The following NHS variants were observed in gnomAD, a reference collection of about 807,000 sequenced individuals.
NHS encodes actin remodeling regulator NHS.
Under a neutral mutation model 72.5 loss-of-function variants are expected in NHS, and 5 were observed. That is an observed-to-expected ratio of 0.07 (90% CI 0.04 to 0.14). The LOEUF (loss-of-function observed/expected upper bound fraction) is 0.14. NHS is among the 10% of genes least tolerant of loss of function. NHS has a pLI of 1.00. For synonymous variants in NHS, 464 were observed against 547.7 expected, an observed-to-expected ratio of 0.85 and a Z score of 2.13; for missense variants, 1,072 against 1,355.7, an observed-to-expected ratio of 0.79 and a Z score of 3.29.
At position 17,635,458 on chromosome X, in the gene NHS, C is replaced by T. The variant is rs1002467253; in HGVS notation, c.566-52284C>T. The T allele has an allele frequency of 1.7e-5, 20 of 1,166,277 alleles. 1 individual carries two copies. The highest frequency in any genetic ancestry group is 7.7e-5 in the Admixed American group (3 of 38,757). On this transcript the variant is annotated intron_variant, in intron 1 of 8. Transcript: ENST00000676302. ...GCCCTCTCTCGCCCTCCATCCCCCC[C>T]GCCGTGCTTGCTGACTTAAGCAGAT...
chrX:17,523,546 C>T (rs1275769699), intron 1 of NHS, among the ~76,000 whole-genome samples: 2 of 111,935 alleles, frequency 1.8e-5, no homozygotes, highest in Non-Finnish European at 3.8e-5. Flanking sequence ...TCCCAAGGCT[C>T]CTGACAGTCC....
At chrX:17,418,876 C>G (rs749237650) in intron 1 of NHS, among the ~76,000 whole-genome samples, 1 of 111,871 alleles carries the variant, frequency 8.9e-6, no homozygotes, top group African/African-American at 3.2e-5. Flanking sequence ...AAGAACAGCT[C>G]TAACAGCAAA....
chrX:17,420,566 C>T (rs899559314), intron 1 of NHS, among the ~76,000 whole-genome samples: 3 of 111,671 alleles, frequency 2.7e-5, no homozygotes, highest in African/African-American at 9.8e-5. Flanking sequence ...AGCCACCCAT[C>T]CACACTTCCA....
intron 1 of NHS, among the ~76,000 whole-genome samples, chrX:17,602,618 A>T (rs2065656299): frequency 9.0e-6 from 1 of 111,096 alleles, no homozygotes; most frequent in Non-Finnish European, 1.9e-5. Flanking sequence ...CATGGAAAAC[A>T]GTATGGAGTA....
At chrX:17,560,356 G>T (rs1488922794) in intron 1 of NHS, among the ~76,000 whole-genome samples, 1 of 112,529 alleles carries the variant, frequency 8.9e-6, no homozygotes. Context: ...TCCTCTATTT[G>T]AAAGAATAAT....
At chrX:17,650,139 T>C (rs2065924165) in intron 1 of NHS, among the ~76,000 whole-genome samples, 1 of 112,608 alleles carries the variant, frequency 8.9e-6, no homozygotes, top group African/African-American at 3.2e-5. Flanking sequence ...AGAGCTAGAA[T>C]TGGGATCCTC....
chrX:17,476,726 T>A (rs1022847359), intron 1 of NHS, among the ~76,000 whole-genome samples: 36 of 111,684 alleles, frequency 3.2e-4, no homozygotes, highest in African/African-American at 1.1e-3. Context: ...GCTGGAGTAT[T>A]TATACACCAA....
chrX:17,387,887 C>G (rs112920090), intron 1 of NHS, among the ~76,000 whole-genome samples: 3 of 113,118 alleles, frequency 2.7e-5, no homozygotes, highest in African/African-American at 9.6e-5. Flanking sequence ...TGGTTAGCCT[C>G]TGATAATTAT....
chrX:17,460,806 A>G (rs1044619235), intron 1 of NHS, among the ~76,000 whole-genome samples: 1 of 111,959 alleles, frequency 8.9e-6, no homozygotes, highest in Non-Finnish European at 1.9e-5. Context: ...TTATAACCTC[A>G]ATTCATTCTT....
At chrX:17,639,484 A>C (rs2065869431) in intron 1 of NHS, among the ~76,000 whole-genome samples, 1 of 111,344 alleles carries the variant, frequency 9.0e-6, no homozygotes, top group Admixed American at 9.5e-5. Flanking sequence ...GCTGTGTCAT[A>C]ACATTGTGGA....
At chrX:17,435,400 G>A (rs1425145710) in intron 1 of NHS, among the ~76,000 whole-genome samples, 2 of 111,363 alleles carry the variant, frequency 1.8e-5, no homozygotes, top group Non-Finnish European at 3.8e-5. Context: ...GCAAAAGGGG[G>A]AAAATGGTTC....
At chrX:17,430,840 C>A (rs1755679372) in intron 1 of NHS, among the ~76,000 whole-genome samples, 1 of 112,410 alleles carries the variant, frequency 8.9e-6, no homozygotes, top group South Asian at 3.7e-4. Context: ...ACATTCCATT[C>A]TATGGATATA....
chrX:17,408,379 G>A (rs923549050), intron 1 of NHS, among the ~76,000 whole-genome samples: 2 of 111,576 alleles, frequency 1.8e-5, no homozygotes, highest in African/African-American at 3.3e-5. Flanking sequence ...AACTCCCAGC[G>A]TGATGTTTAA....
At chrX:17,530,108 T>A (rs1024275470) in intron 1 of NHS, among the ~76,000 whole-genome samples, 2 of 110,396 alleles carry the variant, frequency 1.8e-5, no homozygotes, top group Admixed American at 1.9e-4. Context: ...TTGAAGCTAG[T>A]CAAACTCCCC....
Position 17,725,992 on chromosome X carries a change from C to T in NHS, c.1886C>T (p.Ser629Leu). 8.3e-7 allele frequency: 1 copy of T among 1,211,732 alleles called. No homozygotes were observed. Among genetic ancestry groups the T allele is most frequent in the Non-Finnish European group, 1.1e-6 (1 of 895,496 alleles). The change falls in exon 7 of 9, where the codon TCA (serine) becomes TTA (leucine). Residue 629 changes from serine to leucine, a missense_variant. Coordinates refer to ENST00000676302, the MANE Select transcript of NHS (RefSeq NM_001291867.2). ...SHMDQKDDHQ[S>L]SSGNWSGSSS... ...ATGGACCAGAAAGATGACCACCAGT[C>T]ATCCAGTGGCAACTGGAGTGGGAGC...
At chrX:17,379,438 G>A (rs1471708856) in intron 1 of NHS, among the ~76,000 whole-genome samples, 1 of 111,695 alleles carries the variant, frequency 9.0e-6, no homozygotes, top group Non-Finnish European at 1.9e-5. Flanking sequence ...AATAATTTAG[G>A]ATGACTCCTA....
At chrX:17,624,404 G>A (rs1391406100) in intron 1 of NHS, among the ~76,000 whole-genome samples, 3 of 112,096 alleles carry the variant, frequency 2.7e-5, no homozygotes, top group Middle Eastern at 4.6e-3. Flanking sequence ...CTCCTGTACC[G>A]GCTACTAGGT....
At position 17,585,692 on chromosome X, in the gene NHS, C is replaced by T. The variant is rs2065571236; in HGVS notation, c.566-102050C>T. Among the ~76,000 whole-genome samples the T allele has an allele frequency of 2.8e-5, 3 of 108,463 alleles. No individual in the cohort carries two copies. The South Asian group carries it at 1.2e-3, about 44-fold the overall frequency. The allele number at this position is 108,463 out of a possible 115,157, so 94.2% of individuals were successfully genotyped here. A position where few individuals can be genotyped will look rare whatever the true frequency, so the allele number is the denominator to read the frequency against. ...ACAGATGCCACCATCCAGAGGAGGC[C>T]CCACCTCCCAGGGATATCATGGGGG... On this transcript the variant is annotated intron_variant, in intron 1 of 8. Transcript: ENST00000676302.
At chrX:17,538,880 G>A (rs1220977596) in intron 1 of NHS, among the ~76,000 whole-genome samples, 1 of 111,934 alleles carries the variant, frequency 8.9e-6, no homozygotes, top group Non-Finnish European at 1.9e-5. Context: ...GATGTACAGT[G>A]ACTCTCCCTC....
Sources: allele counts gnomAD v4.1 joint callset (sites outside exome capture counted in the v4.1 genomes callset), GRCh38; gene constraint gnomAD v4.1.1; transcripts MANE v1.5; gene names NCBI Gene and HGNC (gene_info 2026-07-23, HGNC 2026-07-21).